CDON: variants seen among roughly 807,000 people sequenced by gnomAD.
CDON encodes cell adhesion molecule-related/down-regulated by oncogenes.
CDON carries 73 observed loss-of-function variants against 120.9 expected under a neutral mutation model. That is an observed-to-expected ratio of 0.60 (90% confidence interval 0.50 to 0.73). The LOEUF (loss-of-function observed/expected upper bound fraction) is 0.73. Among genes scored for constraint, CDON ranks in the 30% least tolerant of loss-of-function variants. The pLI, the probability that CDON is intolerant of heterozygous loss-of-function variation, is 0.00. For synonymous variants in CDON, 566 were observed against 573.5 expected (o/e 0.99, Z 0.19); for missense variants, 1,470 against 1,587.3 (o/e 0.93, Z 1.26).
intron 1 of CDON, among the ~76,000 whole-genome samples, chr11:126,024,104 G>A (rs1476741443): frequency 1.3e-5 from 2 of 152,114 alleles, no homozygotes; most frequent in Non-Finnish European, 2.9e-5. Context: ...GTTGGGATTG[G>A]GCTTGGCACT....
At position 125,989,775 on chromosome 11, in the gene CDON, A is replaced by G. The variant is rs769549929; in HGVS notation, c.2651-16T>C. 14 of 1,610,126 alleles carry G rather than the reference A, an allele frequency of 8.7e-6. No homozygotes were observed. The African/African-American group carries it at 1.3e-4, about 15-fold the overall frequency. ...TGCTTTGAACCTAAAAGGAAAAATA[A>G]AAGGCTTTACACATCATACAGCCTA... On this transcript the variant is annotated splice_polypyrimidine_tract_variant and intron_variant, in intron 14 of 19. Coordinates refer to ENST00000531738, the MANE Select transcript of CDON (RefSeq NM_001378964.1).
chr11:126,062,299 G>A (rs1948817679), intron 1 of CDON, among the ~76,000 whole-genome samples: 1 of 152,072 alleles, frequency 6.6e-6, no homozygotes, highest in African/African-American at 2.4e-5. Flanking sequence ...TGCCCCCGAG[G>A]ACCATCGTCA....
intron 11 of CDON, 48 bp from the exon 12 acceptor site, chr11:125,997,458 G>A: frequency 7.5e-7 from 1 of 1,329,340 alleles, no homozygotes; most frequent in Admixed American, 1.9e-5. Context: ...TCAGAGACAA[G>A]AATAACATAG....
chr11:126,001,710 T>G lies in CDON; in HGVS notation c.2158+9A>C, dbSNP rs781201487. ...TTGTAAAGAAACAATAAAATATTCT[T>G]CTTTTTACCTCCACTGTGCCTAGAG... On this transcript the variant is annotated intron_variant, in intron 11 of 19. Transcript: ENST00000531738. The G allele has an allele frequency of 6.2e-7, 1 of 1,612,590 alleles. No homozygotes were observed. Among genetic ancestry groups the G allele is most frequent in the Non-Finnish European group, 8.5e-7 (1 of 1,178,802 alleles).
chr11:125,960,724 A>G lies in CDON; in HGVS notation c.*218T>C, dbSNP rs1945618475. ...ACTATGCAAAACAAGGTTGTTTCCT[A>G]CCGAGGGGGAGGAAGGAATGGGGAA... On this transcript the variant is annotated 3_prime_UTR_variant, in exon 20 of 20. Transcript: ENST00000531738. The G allele has an allele frequency of 7.1e-6, 4 of 566,232 alleles. No individual in the cohort carries two copies. Among genetic ancestry groups the G allele is most frequent in the South Asian group, 4.0e-5 (2 of 49,940 alleles). The allele number at this position is 566,232 out of a possible 1,614,324, so 35.1% of individuals were successfully genotyped here. A position where few individuals can be genotyped will look rare whatever the true frequency, so the allele number is the denominator to read the frequency against.
intron 15 of CDON, among the ~76,000 whole-genome samples, chr11:125,986,496 T>C (rs1345908040): frequency 6.6e-6 from 1 of 152,192 alleles, no homozygotes; most frequent in African/African-American, 2.4e-5. Context: ...CTGGGTGCAG[T>C]GGCTCACGCC....
chr11:126,018,616 T>C, intron 4 of CDON, 143 bp from the exon 5 acceptor site: 1 of 740,022 alleles, frequency 1.4e-6, no homozygotes, highest in Non-Finnish European at 2.3e-6. Context: ...TCACCCAGGC[T>C]GTAGTACAGT....
rs148841599 is a variant in CDON, at chr11:126,060,550, T to C, written c.-62+2029A>G. ...CAATCACCAATTTTTAGTCTAAACG[T>C]TCGTGGAAAAAAAAAAATTCTACAG... On this transcript the variant is annotated intron_variant, in intron 1 of 19. Transcript: ENST00000531738. Among the ~76,000 whole-genome samples the C allele has an allele frequency of 9.4e-3, 1,286 of 137,262 alleles. 19 individuals carry two copies. Among genetic ancestry groups the C allele is most frequent in the African/African-American group, 0.032 (1,239 of 38,302 alleles). The allele number at this position is 137,262 out of a possible 152,430, so 90.0% of individuals were successfully genotyped here. A position where few individuals can be genotyped will look rare whatever the true frequency, so the allele number is the denominator to read the frequency against.
At chr11:126,050,859 A>T (rs1948541666) in intron 1 of CDON, among the ~76,000 whole-genome samples, 1 of 152,064 alleles carries the variant, frequency 6.6e-6, no homozygotes, top group Non-Finnish European at 1.5e-5. Flanking sequence ...AAAAAGCAAT[A>T]CTTCACTCCT....
intron 1 of CDON, among the ~76,000 whole-genome samples, chr11:126,040,546 T>C (rs2134827157): frequency 6.6e-6 from 1 of 152,288 alleles, no homozygotes; most frequent in African/African-American, 2.4e-5. Context: ...CCGGGCGCGG[T>C]GGCTCACGCC....
intron 18 of CDON, among the ~76,000 whole-genome samples, chr11:125,972,352 C>G (rs1946026284): frequency 6.6e-6 from 1 of 151,980 alleles, no homozygotes; most frequent in Non-Finnish European, 1.5e-5. Flanking sequence ...CGCTTGAACC[C>G]AGGAAGCGGC....
intron 1 of CDON, among the ~76,000 whole-genome samples, chr11:126,047,312 C>G (rs1034914453): frequency 1.3e-5 from 2 of 152,228 alleles, no homozygotes; most frequent in African/African-American, 4.8e-5. Flanking sequence ...CTTGAACATA[C>G]AGGAATTTAC....
At chr11:125,986,850 T>TGAGAAAAGAAGTCATCTTTCAA (rs143291935) in intron 15 of CDON, among the ~76,000 whole-genome samples, 22 of 151,332 alleles carry the variant, frequency 1.5e-4, no homozygotes, top group Admixed American at 6.6e-4. Flanking sequence ...GAGCTGGGAA[T>TGAGAAAAGAAGTCATCTTTCAA]GAGAAAAGAA....
At chr11:125,999,785 CT>C in intron 11 of CDON, among the ~76,000 whole-genome samples, 1 of 152,206 alleles carries the variant, frequency 6.6e-6, no homozygotes, top group Non-Finnish European at 1.5e-5. Flanking sequence ...CTATTCCTCC[CT>C]TCTCCTTCTC....
chr11:125,980,954 T>C, intron 17 of CDON, 95 bp downstream of exon 17: 21 of 1,281,980 alleles, frequency 1.6e-5, no homozygotes, highest in Non-Finnish European at 2.4e-5. Flanking sequence ...ACTTGTGAGG[T>C]TTCTATACTG....
chr11:126,000,664 G>A (rs767403490), intron 11 of CDON, among the ~76,000 whole-genome samples: 88 of 152,158 alleles, frequency 5.8e-4, no homozygotes, highest in East Asian at 2.7e-3. Flanking sequence ...ACTCATATAC[G>A]TAATCTGCTT....
In CDON at chr11:126,008,685, C is replaced by T. The variant is rs1947200418; in HGVS notation, c.1552+1656G>A. On this transcript the variant is annotated intron_variant, in intron 8 of 19. Transcript: ENST00000531738. ...CTAAATTCTACCCAAGGAGCTCCTG[C>T]AACTACACCTGTCATGCAGTTAACA... 2.0e-5 allele frequency among the ~76,000 whole-genome samples: 3 copies of T among 152,180 alleles called. No homozygotes were observed. In the South Asian group the frequency reaches 6.2e-4, roughly 32 times the overall value.
intron 18 of CDON, among the ~76,000 whole-genome samples, chr11:125,976,621 ACACACAC>A (rs1329990389): frequency 1.3e-3 from 25 of 19,972 alleles, no homozygotes; most frequent in African/African-American, 7.5e-3. Context: ...ACACACAAAC[ACACACAC>A]ACACACACAC....
chr11:125,972,527 A>G (rs1946031568), intron 18 of CDON, among the ~76,000 whole-genome samples: 2 of 152,256 alleles, frequency 1.3e-5, no homozygotes, highest in South Asian at 4.1e-4. Context: ...GAGCCCCAGA[A>G]TCAACTACAA....
Sources: allele counts gnomAD v4.1 joint callset (sites outside exome capture counted in the v4.1 genomes callset), GRCh38; gene constraint gnomAD v4.1.1; transcripts MANE v1.5; gene names NCBI Gene and HGNC (gene_info 2026-07-23, HGNC 2026-07-21).